Variants in GNG2 observed in about 807,000 individuals in gnomAD.
GNG2 encodes G protein subunit gamma 2, also known as guanine nucleotide-binding protein G(I)/G(S)/G(O) subunit gamma-2.
GNG2 carries 5 observed loss-of-function variants against 5.5 expected under a neutral mutation model. That is an observed-to-expected ratio of 0.91 (90% CI 0.48 to 1.92). The LOEUF (loss-of-function observed/expected upper bound fraction) is 1.92, where lower values mean the gene tolerates loss of function less well. Among genes scored for constraint, GNG2 ranks in the 30% most tolerant of loss-of-function variants. The pLI is 0.01. For synonymous variants in GNG2, 28 were observed against 32.0 expected (o/e 0.88, Z 0.42); for missense variants, 55 against 88.4 (o/e 0.62, Z 1.52).
At chr14:51,958,032 G>A (rs546697317) in intron 3 of GNG2, among the ~76,000 whole-genome samples, 1 of 152,188 alleles carries the variant, frequency 6.6e-6, no homozygotes, top group Non-Finnish European at 1.5e-5. Context: ...AAACCTATTT[G>A]TTTTCTTTTT....
At chr14:51,849,359 C>T (rs1881803562) in intron 2 of GNG2, among the ~76,000 whole-genome samples, 1 of 152,204 alleles carries the variant, frequency 6.6e-6, no homozygotes, top group South Asian at 2.1e-4. Flanking sequence ...CACACATTGT[C>T]ACTTCAGCCA....
chr14:51,845,545 A>G (rs190657969), intron 2 of GNG2, among the ~76,000 whole-genome samples: 40 of 152,274 alleles, frequency 2.6e-4, no homozygotes, highest in African/African-American at 8.2e-4. Flanking sequence ...CTTAGAGGCA[A>G]TCTTGCCCAG....
intron 2 of GNG2, among the ~76,000 whole-genome samples, chr14:51,943,501 A>G (rs528901163): frequency 6.6e-6 from 1 of 152,294 alleles, no homozygotes; most frequent in South Asian, 2.1e-4. Context: ...GACTCTGTCA[A>G]CCCTTTTTAT....
At chr14:51,937,078 G>T (rs2140256597) in intron 2 of GNG2, among the ~76,000 whole-genome samples, 1 of 152,194 alleles carries the variant, frequency 6.6e-6, no homozygotes, top group East Asian at 1.9e-4. Context: ...AAAAGGAAAG[G>T]TTGCTTGTCC....
intron 1 of GNG2, among the ~76,000 whole-genome samples, chr14:51,868,386 T>C (rs1456945227): frequency 6.6e-6 from 1 of 152,084 alleles, no homozygotes; most frequent in East Asian, 1.9e-4. Flanking sequence ...TCAACCAGGA[T>C]TGGAACCATT....
intron 2 of GNG2, among the ~76,000 whole-genome samples, chr14:51,854,458 C>T (rs555498695): frequency 4.6e-5 from 7 of 152,222 alleles, no homozygotes; most frequent in African/African-American, 1.2e-4. Context: ...CTGGGCACAA[C>T]TGTTGGTATC....
intron 3 of GNG2, among the ~76,000 whole-genome samples, chr14:51,954,669 G>A (rs948785126): frequency 4.6e-5 from 7 of 152,142 alleles, no homozygotes; most frequent in Admixed American, 1.3e-4. Flanking sequence ...TGAGAACTGC[G>A]AGTGCTCCGT....
At chr14:51,926,961 G>A (rs898868464) in intron 2 of GNG2, among the ~76,000 whole-genome samples, 3 of 152,152 alleles carry the variant, frequency 2.0e-5, no homozygotes, top group Non-Finnish European at 4.4e-5. Context: ...TGGACAGTCA[G>A]TCCAGCAACA....
chr14:51,878,286 TC>T (rs1360672095), intron 2 of GNG2, among the ~76,000 whole-genome samples: 2 of 152,040 alleles, frequency 1.3e-5, no homozygotes, highest in South Asian at 2.1e-4. Flanking sequence ...TAGATTCCCC[TC>T]CCCCACCATT....
intron 3 of GNG2, among the ~76,000 whole-genome samples, chr14:51,963,227 A>T (rs1889714065): frequency 6.6e-6 from 1 of 152,250 alleles, no homozygotes; most frequent in African/African-American, 2.4e-5. Flanking sequence ...GAAGGAAACC[A>T]TTCAGAATCA....
At chr14:51,844,961 G>T (rs533738497) in intron 2 of GNG2, among the ~76,000 whole-genome samples, 2 of 151,964 alleles carry the variant, frequency 1.3e-5, no homozygotes, top group African/African-American at 4.8e-5. Flanking sequence ...TCTTGACCTC[G>T]TGATCCTTCC....
At chr14:51,853,861 G>A (rs17124637) in intron 2 of GNG2, among the ~76,000 whole-genome samples, 27,404 of 151,260 alleles carry the variant, frequency 0.18, 2,824 homozygotes, top group Middle Eastern at 0.28. Context: ...TGATCTTGTT[G>A]CCCGTTTCCT....
At chr14:51,919,333 G>C (rs1042659133) in intron 2 of GNG2, among the ~76,000 whole-genome samples, 1 of 152,174 alleles carries the variant, frequency 6.6e-6, no homozygotes, top group Non-Finnish European at 1.5e-5. Flanking sequence ...AAACAAGATT[G>C]TAAGAATAGT....
At chr14:51,965,367 C>T (rs1889833795) in intron 3 of GNG2, among the ~76,000 whole-genome samples, 1 of 151,922 alleles carries the variant, frequency 6.6e-6, no homozygotes, top group African/African-American at 2.4e-5. Flanking sequence ...AAAATTTGAC[C>T]CCAAATGGCA....
intron 1 of GNG2, among the ~76,000 whole-genome samples, chr14:51,862,542 T>C (rs17124664): frequency 0.017 from 2,627 of 152,350 alleles, 34 homozygotes; most frequent in South Asian, 0.031. Context: ...GGCTTACCCT[T>C]TGGTACTTAC....
At chr14:51,827,141 A>G (rs35684897) in intron 1 of GNG2, among the ~76,000 whole-genome samples, 39,177 of 150,622 alleles carry the variant, frequency 0.26, 6,201 homozygotes, top group Non-Finnish European at 0.36. Context: ...TAAAAGTTCC[A>G]AAGCCCAAGC....
chr14:51,929,361 A>T (rs1057290252), intron 2 of GNG2, among the ~76,000 whole-genome samples: 4 of 152,176 alleles, frequency 2.6e-5, no homozygotes, highest in African/African-American at 4.8e-5. Context: ...TGCATGACTC[A>T]TCTAACATTT....
At chr14:51,867,271 T>A (rs1330172227) in intron 1 of GNG2, among the ~76,000 whole-genome samples, 1 of 152,154 alleles carries the variant, frequency 6.6e-6, no homozygotes, top group African/African-American at 2.4e-5. Flanking sequence ...CAGTCCCAAA[T>A]CTGATGAAGC....
chr14:51,841,313 T>C (rs12147800), intron 2 of GNG2, among the ~76,000 whole-genome samples: 74,664 of 151,816 alleles, frequency 0.49, 19,015 homozygotes, highest in Middle Eastern at 0.58. Flanking sequence ...TGGCAGGGAG[T>C]CCAGGAATCT....
Sources: gnomAD v4.1 joint callset for allele counts (sites outside exome capture counted in the v4.1 genomes callset) on GRCh38, gnomAD v4.1.1 for gene constraint, MANE v1.5 for transcripts, NCBI Gene and HGNC (gene_info 2026-07-23, HGNC 2026-07-21) for gene names.